The following ITSN1 variants were observed in gnomAD, a reference collection of about 807,000 sequenced individuals.
ITSN1 encodes the protein intersectin-1.
A neutral mutation model predicts 239.8 loss-of-function variants in ITSN1; 58 were observed. The ratio of observed to expected loss-of-function variants is 0.24; its 90% CI spans 0.20 to 0.30. ITSN1 has a LOEUF of 0.30. Among genes scored for constraint, ITSN1 ranks in the 10% least tolerant of loss-of-function variants. The probability of loss-of-function intolerance (pLI) is 1.00; values close to 1 mark genes in which losing one functional copy is unlikely to be tolerated. For missense variants in ITSN1, 1,558 were observed against 2,103.3 expected, an observed-to-expected ratio of 0.74 and a Z score of 5.07; for synonymous variants, 780 against 770.8, an observed-to-expected ratio of 1.01 and a Z score of -0.20.
chr21:33,785,143 G>C (rs1432870609), intron 16 of ITSN1, among the ~76,000 whole-genome samples: 1 of 152,184 alleles, frequency 6.6e-6, no homozygotes, highest in African/African-American at 2.4e-5. Context: ...TTATAGGTTA[G>C]TACTGTAACA....
intron 20 of ITSN1, among the ~76,000 whole-genome samples, chr21:33,810,287 A>G (rs994873687): frequency 3.3e-5 from 5 of 152,250 alleles, no homozygotes; most frequent in African/African-American, 9.6e-5. Flanking sequence ...ATTTTTAAAC[A>G]GTATAATCCT....
intron 1 of ITSN1, among the ~76,000 whole-genome samples, chr21:33,668,069 T>A (rs1422335649): frequency 6.6e-6 from 1 of 152,224 alleles, no homozygotes; most frequent in Non-Finnish European, 1.5e-5. Context: ...TTGGCTCCAC[T>A]TATGGCTTTA....
rs183530226 is a variant in ITSN1, at chr21:33,809,490, C to A, written c.2320-1485C>A. On this transcript the variant is annotated intron_variant, in intron 20 of 39. Transcript: ENST00000381318. ...TTCAAATAAGCTAATAAGTATTGAA[C>A]CCTATTACTCACTGTCCACTGAGTA... 1.9e-3 allele frequency among the ~76,000 whole-genome samples: 291 copies of A among 152,268 alleles called. 1 individual carries two copies. The highest frequency in any genetic ancestry group is 3.1e-3 in the Non-Finnish European group (208 of 68,020).
intron 20 of ITSN1, 149 bp downstream of exon 20, chr21:33,802,593 TA>T (rs11390596): frequency 3.3e-4 from 204 of 619,774 alleles, no homozygotes; most frequent in South Asian, 7.5e-4. Flanking sequence ...TTGTGCTTTT[TA>T]AAAAAAAAGT....
At chr21:33,675,673 C>G (rs2090549559) in intron 1 of ITSN1, among the ~76,000 whole-genome samples, 1 of 152,210 alleles carries the variant, frequency 6.6e-6, no homozygotes, top group Non-Finnish European at 1.5e-5. Context: ...ACCCAGACCC[C>G]AAGTCTATGC....
intron 4 of ITSN1, among the ~76,000 whole-genome samples, chr21:33,724,409 G>A (rs1291030035): frequency 6.6e-6 from 1 of 152,206 alleles, no homozygotes; most frequent in Admixed American, 6.5e-5. Context: ...GCCCTGTTCT[G>A]TCAGTTAAAT....
intron 1 of ITSN1, chr21:33,643,831 G>A (rs1892700): frequency 0.21 from 31,256 of 152,146 alleles, 3,780 homozygotes; most frequent in Non-Finnish European, 0.26. Flanking sequence ...CCAATGAAGA[G>A]GGTAGATAAT....
intron 1 of ITSN1, among the ~76,000 whole-genome samples, chr21:33,654,199 C>T (rs1413413393): frequency 2.6e-5 from 4 of 151,418 alleles, no homozygotes; most frequent in Non-Finnish European, 5.9e-5. Flanking sequence ...GCCACAGCCA[C>T]GCACCACCAC....
intron 1 of ITSN1, among the ~76,000 whole-genome samples, chr21:33,717,798 AC>A (rs2065250450): frequency 6.6e-6 from 1 of 151,506 alleles, no homozygotes. Flanking sequence ...CGATCTCCTG[AC>A]CTTGTGATCC....
intron 1 of ITSN1, among the ~76,000 whole-genome samples, chr21:33,645,939 G>A (rs1030147779): frequency 5.9e-5 from 9 of 152,144 alleles, no homozygotes; most frequent in Non-Finnish European, 1.2e-4. Flanking sequence ...TTTACCTGTC[G>A]TACACCTTTC....
intron 18 of ITSN1, among the ~76,000 whole-genome samples, chr21:33,798,284 G>A (rs1304273463): frequency 6.7e-6 from 1 of 149,306 alleles, no homozygotes; most frequent in African/African-American, 2.5e-5. Flanking sequence ...TTTTTGTAGA[G>A]ATGGGGGGTC....
At chr21:33,868,021 T>G (rs1469227030) in intron 33 of ITSN1, among the ~76,000 whole-genome samples, 1 of 152,172 alleles carries the variant, frequency 6.6e-6, no homozygotes, top group East Asian at 1.9e-4. Context: ...GCAAGATTTA[T>G]TGCAAAGAGT....
At chr21:33,741,506 A>G (rs2066845163) in intron 5 of ITSN1, among the ~76,000 whole-genome samples, 1 of 151,010 alleles carries the variant, frequency 6.6e-6, no homozygotes, top group African/African-American at 2.5e-5. Context: ...AGTCATCTAG[A>G]TGACTATAAT....
At chr21:33,699,573 G>A (rs2146784650) in intron 1 of ITSN1, among the ~76,000 whole-genome samples, 1 of 152,200 alleles carries the variant, frequency 6.6e-6, no homozygotes, top group East Asian at 1.9e-4. Flanking sequence ...ACAAAAATTA[G>A]CCAGGTGTGG....
chr21:33,761,851 A>G (rs986221894), intron 8 of ITSN1, 72 bp from the exon 9 acceptor site: 1 of 1,105,718 alleles, frequency 9.0e-7, no homozygotes, highest in African/African-American at 1.5e-5. Context: ...CCACATACGC[A>G]GAACCCTGGT....
intron 1 of ITSN1, among the ~76,000 whole-genome samples, chr21:33,678,234 C>T (rs2090715478): frequency 6.6e-6 from 1 of 152,170 alleles, no homozygotes; most frequent in South Asian, 2.1e-4. Context: ...GAAGCTACCT[C>T]TGATGTCTTC....
intron 1 of ITSN1, among the ~76,000 whole-genome samples, chr21:33,647,071 A>G (rs2000461): frequency 0.66 from 100,356 of 152,034 alleles, 33,139 homozygotes; most frequent in East Asian, 0.76. Context: ...CTAAACATTG[A>G]AAGTATTTAA....
intron 1 of ITSN1, among the ~76,000 whole-genome samples, chr21:33,717,270 C>T (rs1448529752): frequency 4.0e-5 from 6 of 151,652 alleles, no homozygotes; most frequent in African/African-American, 9.7e-5. Flanking sequence ...CGTCTTAGCT[C>T]ACTGTAGCCT....
intron 4 of ITSN1, among the ~76,000 whole-genome samples, chr21:33,730,804 A>G (rs1368998934): frequency 2.6e-5 from 4 of 151,958 alleles, no homozygotes; most frequent in Non-Finnish European, 5.9e-5. Flanking sequence ...GGTTCAAGCA[A>G]TTCTCATGCC....
Sources: gnomAD v4.1 joint callset for allele counts (sites outside exome capture counted in the v4.1 genomes callset) on GRCh38, gnomAD v4.1.1 for gene constraint, MANE v1.5 for transcripts, NCBI Gene and HGNC (gene_info 2026-07-23, HGNC 2026-07-21) for gene names.